CREB5: variants seen among roughly 807,000 people sequenced by gnomAD.
The protein encoded by CREB5 is cAMP responsive element binding protein 5, also known as cyclic AMP-responsive element-binding protein 5.
Under a neutral mutation model 57.1 loss-of-function variants are expected in CREB5, and 19 were observed. The observed-to-expected ratio is 0.33, with a 90% CI of 0.23 to 0.49. CREB5 has a LOEUF of 0.49. Among genes scored for constraint, CREB5 ranks in the 20% least tolerant of loss-of-function variants. The pLI, the probability that CREB5 is intolerant of heterozygous loss-of-function variation, is 0.99. For synonymous variants in CREB5, 238 were observed against 238.3 expected, an observed-to-expected ratio of 1.00 and a Z score of 0.01; for missense variants, 579 against 671.6, an observed-to-expected ratio of 0.86 and a Z score of 1.52.
intron 5 of CREB5, among the ~76,000 whole-genome samples, chr7:28,624,693 A>C (rs1361470388): frequency 6.7e-6 from 1 of 149,134 alleles, no homozygotes; most frequent in African/African-American, 2.5e-5. Flanking sequence ...AAAAAAAAAA[A>C]CAATCTTGAA....
chr7:28,525,665 C>T (rs948504514), intron 4 of CREB5, among the ~76,000 whole-genome samples: 13 of 152,108 alleles, frequency 8.5e-5, no homozygotes, highest in African/African-American at 2.7e-4. Context: ...ACTCAGACCA[C>T]AGGCACTTAT....
intron 5 of CREB5, among the ~76,000 whole-genome samples, chr7:28,574,884 A>G (rs933029964): frequency 1.3e-5 from 2 of 152,232 alleles, no homozygotes; most frequent in African/African-American, 4.8e-5. Flanking sequence ...ATATATTTCC[A>G]CATGATGCGT....
intron 7 of CREB5, among the ~76,000 whole-genome samples, chr7:28,792,362 A>G (rs1324947937): frequency 1.3e-5 from 2 of 152,096 alleles, no homozygotes; most frequent in Admixed American, 1.3e-4. Flanking sequence ...AAGCAAAACT[A>G]GAGAAAACTC....
At chr7:28,466,934 A>G (rs1011975166) in intron 1 of CREB5, among the ~76,000 whole-genome samples, 9 of 152,266 alleles carry the variant, frequency 5.9e-5, no homozygotes, top group African/African-American at 2.2e-4. Flanking sequence ...GTAATCAAAG[A>G]AAGTGCAATG....
At chr7:28,487,178 G>T (rs927132796) in intron 1 of CREB5, among the ~76,000 whole-genome samples, 1 of 151,980 alleles carries the variant, frequency 6.6e-6, no homozygotes, top group African/African-American at 2.4e-5. Context: ...CACCACGCCC[G>T]GCTAATTTTT....
intron 5 of CREB5, among the ~76,000 whole-genome samples, chr7:28,674,826 C>A (rs1800240213): frequency 6.6e-6 from 1 of 152,212 alleles, no homozygotes; most frequent in Non-Finnish European, 1.5e-5. Flanking sequence ...AAATAAAAAT[C>A]AGATTATGCT....
chr7:28,543,221 A>T (rs1018514631), intron 4 of CREB5, among the ~76,000 whole-genome samples: 1 of 152,240 alleles, frequency 6.6e-6, no homozygotes, highest in African/African-American at 2.4e-5. Context: ...CAGACAGTGC[A>T]GGAAGGCATA....
At chr7:28,627,916 A>G (rs1356233074) in intron 5 of CREB5, among the ~76,000 whole-genome samples, 1 of 152,040 alleles carries the variant, frequency 6.6e-6, no homozygotes, top group Admixed American at 6.6e-5. Flanking sequence ...GGCTGCTTCT[A>G]TTTCTTATCT....
chr7:28,485,118 C>T (rs1023753552), intron 1 of CREB5, among the ~76,000 whole-genome samples: 9 of 152,266 alleles, frequency 5.9e-5, no homozygotes, highest in East Asian at 5.8e-4. Context: ...GTTGGGATTA[C>T]GGTAGAAAAA....
At chr7:28,658,949 G>GTGTATATATATATATATATATATATATA (rs1799444507) in intron 5 of CREB5, among the ~76,000 whole-genome samples, 1 of 46,766 alleles carries the variant, frequency 2.1e-5, no homozygotes, top group Non-Finnish European at 4.8e-5. Context: ...ATATGTGTGT[G>GTGTATATATATATATATATATATATATA]TGTGTATATA....
intron 4 of CREB5, among the ~76,000 whole-genome samples, chr7:28,539,044 G>A (rs1417719494): frequency 6.6e-6 from 1 of 152,160 alleles, no homozygotes; most frequent in East Asian, 1.9e-4. Flanking sequence ...TACTTTAATA[G>A]TTCGACATCT....
chr7:28,804,538 G>T lies in CREB5; in HGVS notation c.1026+16G>T. 1 of 1,610,676 alleles carries T rather than the reference G, an allele frequency of 6.2e-7. No individual in the cohort carries two copies. Among genetic ancestry groups the T allele is most frequent in the Non-Finnish European group, 8.5e-7 (1 of 1,177,260 alleles). Reference sequence around the variant, plus strand: ...CCAAGCACAGGTAGACCTTTTCCGTGATCTCTTTCCCCTTCTTATTCTCCT... The same window carrying T: ...CCAAGCACAGGTAGACCTTTTCCGTTATCTCTTTCCCCTTCTTATTCTCCT... On this transcript the variant is annotated intron_variant, in intron 8 of 10. Coordinates refer to ENST00000357727, the MANE Select transcript of CREB5 (RefSeq NM_182898.4).
chr7:28,816,155 T>C (rs1453878039), intron 9 of CREB5, among the ~76,000 whole-genome samples: 1 of 152,130 alleles, frequency 6.6e-6, no homozygotes, highest in African/African-American at 2.4e-5. Context: ...TTGCCTTCAT[T>C]TGATGGTCTA....
intron 1 of CREB5, among the ~76,000 whole-genome samples, chr7:28,420,097 CA>C (rs1420640878): frequency 6.2e-5 from 2 of 32,202 alleles, no homozygotes; most frequent in Admixed American, 3.9e-4. Flanking sequence ...GGGCAAAGTA[CA>C]ATTTTTTTTT....
intron 4 of CREB5, among the ~76,000 whole-genome samples, chr7:28,567,440 C>A (rs1017300566): frequency 6.6e-6 from 1 of 152,230 alleles, no homozygotes; most frequent in Non-Finnish European, 1.5e-5. Flanking sequence ...CACCCATTCA[C>A]TCAATAGTTA....
At chr7:28,709,490 T>A (rs1372556815) in intron 5 of CREB5, among the ~76,000 whole-genome samples, 1 of 152,132 alleles carries the variant, frequency 6.6e-6, no homozygotes, top group Non-Finnish European at 1.5e-5. Flanking sequence ...AACAGAATGA[T>A]CATAAATTCG....
chr7:28,554,349 TA>T (rs1168958052), intron 4 of CREB5, among the ~76,000 whole-genome samples: 2 of 152,170 alleles, frequency 1.3e-5, no homozygotes, highest in Non-Finnish European at 2.9e-5. Context: ...TGGGTGCAGG[TA>T]CTGACAAGTT....
chr7:28,787,815 A>C (rs1221569089), intron 7 of CREB5, among the ~76,000 whole-genome samples: 2 of 152,128 alleles, frequency 1.3e-5, no homozygotes, highest in African/African-American at 4.8e-5. Context: ...TGGCCTTCCA[A>C]AGTGCTGGGA....
intron 4 of CREB5, among the ~76,000 whole-genome samples, chr7:28,551,621 C>T (rs954782412): frequency 1.1e-4 from 17 of 152,242 alleles, no homozygotes; most frequent in South Asian, 8.3e-4. Flanking sequence ...CAGTGTTTAC[C>T]TTCTATTTAA....
Sources: allele counts gnomAD v4.1 joint callset (sites outside exome capture counted in the v4.1 genomes callset), GRCh38; gene constraint gnomAD v4.1.1; transcripts MANE v1.5; gene names NCBI Gene and HGNC (gene_info 2026-07-23, HGNC 2026-07-21).